FAM184A: variants seen among roughly 807,000 people sequenced by gnomAD.
FAM184A encodes the protein protein FAM184A.
A neutral mutation model predicts 143.8 loss-of-function variants in FAM184A; 99 were observed. That is an observed-to-expected ratio of 0.69 (90% CI 0.58 to 0.81). The LOEUF (loss-of-function observed/expected upper bound fraction) is 0.81, where lower values mean the gene tolerates loss of function less well. FAM184A is among the 40% of genes least tolerant of loss of function. The pLI, the probability that FAM184A is intolerant of heterozygous loss-of-function variation, is 0.00. For synonymous variants in FAM184A, 427 were observed against 446.4 expected (o/e 0.96, Z 0.55); for missense variants, 1,217 against 1,310.5 (o/e 0.93, Z 1.10).
intron 1 of FAM184A, among the ~76,000 whole-genome samples, chr6:119,068,841 T>C (rs1787570342): frequency 7.1e-6 from 1 of 140,128 alleles, no homozygotes; most frequent in Admixed American, 7.0e-5. Context: ...TTAGAGAATT[T>C]AGAAGGTATC....
intron 9 of FAM184A, among the ~76,000 whole-genome samples, chr6:118,986,176 CCAG>C: frequency 6.6e-6 from 1 of 152,124 alleles, no homozygotes; most frequent in Admixed American, 6.5e-5. Context: ...GCCTGTAGTC[CCAG>C]CTACTTGGGA....
At chr6:119,039,237 G>C (rs956120292) in intron 1 of FAM184A, among the ~76,000 whole-genome samples, 1 of 152,120 alleles carries the variant, frequency 6.6e-6, no homozygotes, top group African/African-American at 2.4e-5. Context: ...ATAGTTGAGC[G>C]GTTTCTTATA....
At chr6:119,025,833 C>T (rs769679065) in intron 1 of FAM184A, among the ~76,000 whole-genome samples, 11 of 152,206 alleles carry the variant, frequency 7.2e-5, no homozygotes, top group Admixed American at 1.3e-4. Flanking sequence ...TGATATTACT[C>T]TGGCTTTAGA....
At chr6:119,143,866 A>G (rs1772328699) in intron 1 of FAM184A, among the ~76,000 whole-genome samples, 1 of 152,232 alleles carries the variant, frequency 6.6e-6, no homozygotes, top group African/African-American at 2.4e-5. Context: ...AGTGTAGTTA[A>G]CAATACTGAA....
intron 1 of FAM184A, among the ~76,000 whole-genome samples, chr6:119,137,546 T>G (rs1582647682): frequency 6.6e-6 from 1 of 152,182 alleles, no homozygotes; most frequent in African/African-American, 2.4e-5. Flanking sequence ...GGATTCAACA[T>G]AAGAATTTTC....
chr6:118,997,329 A>T (rs1432008589), intron 9 of FAM184A, among the ~76,000 whole-genome samples: 1 of 151,274 alleles, frequency 6.6e-6, no homozygotes, highest in African/African-American at 2.4e-5. Flanking sequence ...CATCTCAAAA[A>T]AAAAAAAAAA....
At chr6:119,022,923 C>A in intron 3 of FAM184A, 22 bp downstream of exon 3, 1 of 1,613,484 alleles carries the variant, frequency 6.2e-7, no homozygotes, top group Non-Finnish European at 8.5e-7. Flanking sequence ...AGCATTACAT[C>A]AAAAACTGTG....
At chr6:119,068,507 A>T (rs1181635400) in intron 1 of FAM184A, among the ~76,000 whole-genome samples, 2 of 152,178 alleles carry the variant, frequency 1.3e-5, no homozygotes, top group Admixed American at 6.5e-5. Flanking sequence ...CATTTTACAG[A>T]TGAGGACAAG....
At chr6:119,040,590 C>T (rs1472798963) in intron 1 of FAM184A, among the ~76,000 whole-genome samples, 3 of 152,162 alleles carry the variant, frequency 2.0e-5, no homozygotes, top group Non-Finnish European at 4.4e-5. Context: ...AATGGTGGGG[C>T]TAAAGCCTAA....
At chr6:118,999,090 A>G (rs942854490) in intron 9 of FAM184A, among the ~76,000 whole-genome samples, 48 of 152,226 alleles carry the variant, frequency 3.2e-4, no homozygotes, top group African/African-American at 1.2e-3. Context: ...AGCAGTGGGG[A>G]CTGCTGATGA....
chr6:119,042,689 G>C (rs1786384961), intron 1 of FAM184A, among the ~76,000 whole-genome samples: 1 of 152,094 alleles, frequency 6.6e-6, no homozygotes, highest in Non-Finnish European at 1.5e-5. Context: ...AAATCCCTAG[G>C]ATGTACAACA....
intron 1 of FAM184A, among the ~76,000 whole-genome samples, chr6:119,038,816 T>C (rs1337663226): frequency 6.6e-6 from 1 of 152,134 alleles, no homozygotes; most frequent in Non-Finnish European, 1.5e-5. Context: ...TCGGGACCCC[T>C]TTCCTGTAAC....
At chr6:118,967,059 C>T (rs1447220047) in intron 14 of FAM184A, 107 bp from the exon 15 acceptor site, 1 of 565,454 alleles carries the variant, frequency 1.8e-6, no homozygotes, top group Non-Finnish European at 3.1e-6. Flanking sequence ...AAATCTGAAA[C>T]AAAACTTCTT....
At chr6:118,968,252 A>G (rs1783560109) in intron 14 of FAM184A, among the ~76,000 whole-genome samples, 1 of 152,126 alleles carries the variant, frequency 6.6e-6, no homozygotes, top group African/African-American at 2.4e-5. Flanking sequence ...CACTAATGAT[A>G]GCTGATGAGC....
chr6:119,117,015 G>A (rs1407539810), intron 1 of FAM184A, among the ~76,000 whole-genome samples: 2 of 152,318 alleles, frequency 1.3e-5, no homozygotes, highest in Admixed American at 6.5e-5. Context: ...GATAGTATCT[G>A]CATTTTAGAA....
At chr6:119,052,831 C>A (rs903950059) in intron 1 of FAM184A, among the ~76,000 whole-genome samples, 1 of 152,196 alleles carries the variant, frequency 6.6e-6, no homozygotes, top group Non-Finnish European at 1.5e-5. Context: ...TCTAAATACA[C>A]TGAGTTGTCT....
At chr6:119,101,335 G>A (rs1582616833) in intron 1 of FAM184A, among the ~76,000 whole-genome samples, 1 of 151,798 alleles carries the variant, frequency 6.6e-6, no homozygotes, top group South Asian at 2.1e-4. Context: ...GCCTCCCAAA[G>A]TGCTGGGATT....
chr6:119,138,416 C>G (rs1046150056), intron 1 of FAM184A, among the ~76,000 whole-genome samples: 2 of 152,154 alleles, frequency 1.3e-5, no homozygotes, highest in African/African-American at 4.8e-5. Context: ...TGAAGACATT[C>G]TCAAGGCTGA....
chr6:119,085,774 T>C (rs1196486981), intron 1 of FAM184A, among the ~76,000 whole-genome samples: 1 of 152,220 alleles, frequency 6.6e-6, no homozygotes, highest in Non-Finnish European at 1.5e-5. Context: ...AGAGGACGCA[T>C]AGAAGCTTTT....
Sources: gnomAD v4.1 joint callset for allele counts (sites outside exome capture counted in the v4.1 genomes callset) on GRCh38, gnomAD v4.1.1 for gene constraint, MANE v1.5 for transcripts, NCBI Gene and HGNC (gene_info 2026-07-23, HGNC 2026-07-21) for gene names.